TTC3: variants seen among roughly 807,000 people sequenced by gnomAD.
TTC3 encodes E3 ubiquitin-protein ligase TTC3.
In TTC3, 180 loss-of-function variants were observed where a neutral mutation model predicts 249.6. The ratio of observed to expected loss-of-function variants is 0.72; its 90% CI spans 0.64 to 0.82. The LOEUF (loss-of-function observed/expected upper bound fraction) is 0.82. Among genes scored for constraint, TTC3 ranks in the 40% least tolerant of loss-of-function variants. TTC3 has a pLI of 0.00. For missense variants in TTC3, 2,061 were observed against 2,398.4 expected (o/e 0.86, Z 2.94); for synonymous variants, 717 against 805.0 (o/e 0.89, Z 1.85).
chr21:37,163,977 C>A, intron 31 of TTC3, 74 bp from the exon 32 acceptor site: 1 of 1,478,070 alleles, frequency 6.8e-7, no homozygotes, highest in Non-Finnish European at 9.1e-7. Context: ...TTCAATTAGA[C>A]ATTCTTCTGG....
chr21:37,107,007 T>C (rs1049343858), intron 10 of TTC3, among the ~76,000 whole-genome samples: 3 of 152,184 alleles, frequency 2.0e-5, no homozygotes, highest in South Asian at 2.1e-4. Flanking sequence ...CAGGTCATTA[T>C]GTGTAAGAAT....
chr21:37,082,868 A>G (rs984415799), intron 1 of TTC3: 20 of 973,792 alleles, frequency 2.1e-5, no homozygotes, highest in Admixed American at 6.2e-5. Flanking sequence ...AAAAAATTTT[A>G]TGGTACCAAG....
chr21:37,077,100 C>CT (rs5843791), intron 1 of TTC3, among the ~76,000 whole-genome samples: 68,210 of 148,964 alleles, frequency 0.46, 15,892 homozygotes, highest in Non-Finnish European at 0.52. Context: ...AATAAAGTTG[C>CT]TTTTTTTTTT....
At chr21:37,177,955 C>G (rs562069990) in intron 35 of TTC3, among the ~76,000 whole-genome samples, 51 of 152,262 alleles carry the variant, frequency 3.3e-4, no homozygotes, top group African/African-American at 1.1e-3. Context: ...AAATCTTATA[C>G]TCACTAGCTG....
intron 14 of TTC3, 80 bp from the exon 15 acceptor site, chr21:37,126,000 A>G: frequency 1.5e-6 from 2 of 1,371,270 alleles, no homozygotes; most frequent in East Asian, 2.3e-5. Context: ...ATTCTATTCT[A>G]AATTCTTTTA....
Position 37,186,125 on chromosome 21 carries a change from T to TA in TTC3, c.4826+352dup, listed in dbSNP as rs2083247878. ...AATATTCGTCTCCACTGTAGGCTGGTAGTTTGTTGCTGTTATTGCTTTATA... is the reference window on the plus strand; with the variant it reads ...AATATTCGTCTCCACTGTAGGCTGGTAAGTTTGTTGCTGTTATTGCTTTATA... On this transcript the variant is annotated intron_variant, in intron 37 of 45. Coordinates refer to ENST00000355666, the Ensembl canonical transcript of TTC3. 3 of 153,736 alleles carry TA rather than the reference T, an allele frequency of 2.0e-5. No individual in the cohort carries two copies. The Admixed American group carries it at 2.0e-4, about 10-fold the overall frequency. 9.5% of individuals were successfully genotyped at this position (153,736 alleles called of 1,614,324 possible). A position where few individuals can be genotyped will look rare whatever the true frequency, so the allele number is the denominator to read the frequency against.
At chr21:37,108,524 G>A in intron 11 of TTC3, 78 bp downstream of exon 11, 2 of 1,378,076 alleles carry the variant, frequency 1.5e-6, no homozygotes, top group African/African-American at 2.9e-5. Flanking sequence ...GGGTGTGTTT[G>A]TTCATAAAAA....
chr21:37,193,666 A>G (rs902030100), intron 41 of TTC3: 2 of 152,216 alleles, frequency 1.3e-5, no homozygotes, highest in African/African-American at 2.4e-5. Flanking sequence ...AGCTTGAGTA[A>G]TAAGTGTGCC....
At chr21:37,106,102 A>T (rs77703870) in intron 10 of TTC3, among the ~76,000 whole-genome samples, 6 of 152,226 alleles carry the variant, frequency 3.9e-5, no homozygotes, top group African/African-American at 1.4e-4. Flanking sequence ...TATTTTAGAC[A>T]TTCTGGTGGG....
At chr21:37,122,532 C>G (rs2076705894) in intron 12 of TTC3, among the ~76,000 whole-genome samples, 1 of 150,444 alleles carries the variant, frequency 6.6e-6, no homozygotes, top group Admixed American at 6.7e-5. Flanking sequence ...GTTTTCTCTC[C>G]TAAGTCTTTT....
intron 26 of TTC3, among the ~76,000 whole-genome samples, chr21:37,152,492 T>C (rs1343694324): frequency 6.7e-6 from 1 of 149,478 alleles, no homozygotes; most frequent in African/African-American, 2.5e-5. Flanking sequence ...GTTCACGCCA[T>C]TCTCCTGCCT....
At chr21:37,126,464 A>T (rs2077051439) in intron 15 of TTC3, among the ~76,000 whole-genome samples, 1 of 151,870 alleles carries the variant, frequency 6.6e-6, no homozygotes, top group African/African-American at 2.4e-5. Flanking sequence ...CCTTCCTCCC[A>T]CCTGCTAGGA....
chr21:37,110,724 G>C (rs1202458146), intron 11 of TTC3, among the ~76,000 whole-genome samples: 1 of 152,118 alleles, frequency 6.6e-6, no homozygotes, highest in Non-Finnish European at 1.5e-5. Flanking sequence ...GATACTCCTT[G>C]AGAAGAGCAA....
chr21:37,165,441 A>C (rs2835641), intron 32 of TTC3, 109 bp from the exon 33 acceptor site: 104,929 of 786,948 alleles, frequency 0.13, 7,974 homozygotes, highest in Admixed American at 0.19. Context: ...GGTTGAGATC[A>C]GTGAAAAGTG....
At chr21:37,188,664 C>A (rs2083594992) in intron 39 of TTC3, 69 bp downstream of exon 39, 2 of 1,227,228 alleles carry the variant, frequency 1.6e-6, no homozygotes, top group East Asian at 4.8e-5. Context: ...TTGAGAAAAA[C>A]ATTATTTTGT....
intron 8 of TTC3, 59 bp downstream of exon 8, chr21:37,094,149 C>T: frequency 1.0e-6 from 1 of 977,488 alleles, no homozygotes; most frequent in Non-Finnish European, 1.5e-6. Flanking sequence ...TTTTAACACT[C>T]AGAGGAAGTT....
At chr21:37,109,583 C>G (rs1335733917) in intron 11 of TTC3, among the ~76,000 whole-genome samples, 1 of 152,244 alleles carries the variant, frequency 6.6e-6, no homozygotes, top group Non-Finnish European at 1.5e-5. Flanking sequence ...CTGGGTGGAG[C>G]CCACCACAGC....
At chr21:37,202,346 T>TCAA (rs2085573286) in exon 46 of TTC3, 2 of 152,266 alleles carry the variant, frequency 1.3e-5, no homozygotes, top group African/African-American at 4.8e-5. Flanking sequence ...AGCCCCCGGT[T>TCAA]GGAGCCTGCT....
chr21:37,153,369 A>G (rs949352366), intron 27 of TTC3, 92 bp downstream of exon 27: 3 of 1,180,896 alleles, frequency 2.5e-6, no homozygotes, highest in African/African-American at 1.6e-5. Flanking sequence ...CATATAATTT[A>G]TAACTTTAAA....
Sources: gnomAD v4.1 joint callset for allele counts (sites outside exome capture counted in the v4.1 genomes callset) on GRCh38, gnomAD v4.1.1 for gene constraint, MANE v1.5 for transcripts, NCBI Gene and HGNC (gene_info 2026-07-23, HGNC 2026-07-21) for gene names.